LRRFIP2: variants seen among roughly 807,000 people sequenced by gnomAD.
The protein encoded by LRRFIP2 is LRR binding FLII interacting protein 2.
In LRRFIP2, 109 loss-of-function variants were observed where a neutral mutation model predicts 125.9. That is an observed-to-expected ratio of 0.87 (90% CI 0.74 to 1.01). The LOEUF is 1.01. LRRFIP2 is among the 50% of genes least tolerant of loss of function. The pLI is 0.00. For synonymous variants in LRRFIP2, 291 were observed against 293.1 expected (o/e 0.99, Z 0.07); for missense variants, 850 against 862.3 (o/e 0.99, Z 0.18).
chr3:37,121,810 T>C (rs896122554), intron 4 of LRRFIP2, 119 bp from the exon 5 acceptor site: 29 of 871,054 alleles, frequency 3.3e-5, no homozygotes, highest in Non-Finnish European at 5.2e-5. Flanking sequence ...GCAGGCAGGT[T>C]TGGATAACTT....
intron 21 of LRRFIP2, among the ~76,000 whole-genome samples, chr3:37,072,138 C>T (rs1409823133): frequency 6.6e-6 from 1 of 152,134 alleles, no homozygotes; most frequent in Non-Finnish European, 1.5e-5. Flanking sequence ...TATCCAAATT[C>T]CTGTAACGTA....
intron 1 of LRRFIP2, among the ~76,000 whole-genome samples, chr3:37,159,539 C>G (rs1027553649): frequency 1.3e-5 from 2 of 151,838 alleles, no homozygotes; most frequent in South Asian, 4.2e-4. Context: ...GACAGAGTCT[C>G]GCTGCTGGCC....
At chr3:37,157,632 C>T (rs974288865) in intron 1 of LRRFIP2, among the ~76,000 whole-genome samples, 11 of 151,840 alleles carry the variant, frequency 7.2e-5, no homozygotes, top group Non-Finnish European at 1.6e-4. Context: ...GAGATCGTTA[C>T]ATAAAATGAA....
At chr3:37,153,153 T>C (rs1300957695) in intron 1 of LRRFIP2, among the ~76,000 whole-genome samples, 2 of 152,084 alleles carry the variant, frequency 1.3e-5, no homozygotes, top group African/African-American at 2.4e-5. Context: ...TCCCAGCACT[T>C]TGGGAGGCTG....
At chr3:37,077,047 T>C (rs1375389576) in intron 19 of LRRFIP2, among the ~76,000 whole-genome samples, 2 of 152,154 alleles carry the variant, frequency 1.3e-5, no homozygotes, top group Non-Finnish European at 2.9e-5. Flanking sequence ...CTTGACAACA[T>C]ATTCCAGAAC....
intron 2 of LRRFIP2, among the ~76,000 whole-genome samples, chr3:37,144,162 C>A (rs537847465): frequency 1.3e-5 from 2 of 152,314 alleles, no homozygotes; most frequent in Admixed American, 1.3e-4. Context: ...TACATCGACT[C>A]CAGGTGGCAG....
intron 3 of LRRFIP2, 41 bp from the exon 4 acceptor site, chr3:37,127,721 A>G: frequency 6.7e-7 from 1 of 1,498,600 alleles, no homozygotes; most frequent in East Asian, 2.3e-5. Context: ...AGTTTCTAAC[A>G]TATTGCATTC....
chr3:37,160,461 A>G (rs1413369886), intron 1 of LRRFIP2, among the ~76,000 whole-genome samples: 1 of 152,150 alleles, frequency 6.6e-6, no homozygotes, highest in Non-Finnish European at 1.5e-5. Context: ...TAGCCATGAA[A>G]CAAGAACAAG....
intron 25 of LRRFIP2, among the ~76,000 whole-genome samples, chr3:37,058,263 T>C (rs1228106077): frequency 1.3e-5 from 2 of 152,216 alleles, no homozygotes; most frequent in African/African-American, 4.8e-5. Context: ...TAAACCTCAT[T>C]ATCCCCTGAA....
intron 2 of LRRFIP2, among the ~76,000 whole-genome samples, chr3:37,130,031 T>C (rs1284220344): frequency 1.3e-5 from 2 of 152,164 alleles, no homozygotes; most frequent in African/African-American, 4.8e-5. Flanking sequence ...CTGTGGTTTT[T>C]AGTATACTCA....
In LRRFIP2 at chr3:37,083,621, C is replaced by A; in HGVS notation, c.1278+15G>T. On this transcript the variant is annotated intron_variant, in intron 19 of 27. Coordinates refer to ENST00000336686, the MANE Select transcript of LRRFIP2 (RefSeq NM_006309.4). ...TTATTTTCTGCCCCAAGAGAAAATA[C>A]AAGATAAGCATTACCTTTGATTTTT... is the stretch of plus-strand genomic sequence containing the variant. 1 of 1,527,014 alleles carries A rather than the reference C, an allele frequency of 6.5e-7. No homozygotes were observed. The highest frequency in any genetic ancestry group is 8.7e-7 in the Non-Finnish European group (1 of 1,143,286). 94.6% of individuals were successfully genotyped at this position (1,527,014 alleles called of 1,614,324 possible).
chr3:37,166,483 A>G (rs1015850660), intron 1 of LRRFIP2, among the ~76,000 whole-genome samples: 3 of 152,224 alleles, frequency 2.0e-5, no homozygotes, highest in African/African-American at 7.2e-5. Flanking sequence ...TCCTACAACT[A>G]AGCAACAACA....
chr3:37,170,433 C>T (rs2096569535), intron 1 of LRRFIP2: 1 of 152,136 alleles, frequency 6.6e-6, no homozygotes, highest in African/African-American at 2.4e-5. Flanking sequence ...CATAAGACAC[C>T]ACATAGTACA....
chr3:37,103,445 G>A (rs988810773), intron 14 of LRRFIP2, among the ~76,000 whole-genome samples: 24 of 152,160 alleles, frequency 1.6e-4, no homozygotes, highest in African/African-American at 5.5e-4. Flanking sequence ...GGTGTTTACT[G>A]CACCTTTTCT....
Position 37,096,635 on chromosome 3 carries a change from T to C in LRRFIP2, c.899A>G (p.Tyr300Cys). The change falls in exon 16 of 28, where the codon TAT (tyrosine) becomes TGT (cysteine). Residue 300 changes from tyrosine to cysteine, a missense_variant. By Grantham distance (194) the Tyr-to-Cys change is radical. Transcript: ENST00000336686. ...SSLDEKSDKQ[Y>C]AENYTRPSSR... The stretch of plus-strand genomic sequence containing the variant: ...ACTCACTCTTGTATAATTTTCAGCA[T>C]ACTGTTTGTCAGATTTTTCATCCAA... The C allele has an allele frequency of 4.5e-6, 7 of 1,571,452 alleles. No individual in the cohort carries two copies. Among genetic ancestry groups the C allele is most frequent in the Non-Finnish European group, 6.1e-6 (7 of 1,149,222 alleles).
intron 13 of LRRFIP2, among the ~76,000 whole-genome samples, chr3:37,106,674 G>T (rs2094340870): frequency 6.6e-6 from 1 of 152,082 alleles, no homozygotes; most frequent in Non-Finnish European, 1.5e-5. Flanking sequence ...CAGGCACAGT[G>T]GTTCACGCCT....
chr3:37,156,155 G>A (rs536857230), intron 1 of LRRFIP2, among the ~76,000 whole-genome samples: 2 of 152,176 alleles, frequency 1.3e-5, no homozygotes, highest in East Asian at 1.9e-4. Context: ...GATTACAGAC[G>A]AAAGCCACCA....
intron 1 of LRRFIP2, among the ~76,000 whole-genome samples, chr3:37,149,959 C>T (rs192036331): frequency 6.6e-6 from 1 of 152,076 alleles, no homozygotes; most frequent in African/African-American, 2.4e-5. Flanking sequence ...CAAGATCACG[C>T]CACTGGACTC....
At chr3:37,114,231 T>C (rs1339321357) in intron 7 of LRRFIP2, among the ~76,000 whole-genome samples, 2 of 152,160 alleles carry the variant, frequency 1.3e-5, no homozygotes, top group Admixed American at 1.3e-4. Flanking sequence ...AAACAAGCTA[T>C]AACTTAAATT....
Sources: gnomAD v4.1 joint callset for allele counts (sites outside exome capture counted in the v4.1 genomes callset) on GRCh38, gnomAD v4.1.1 for gene constraint, MANE v1.5 for transcripts, NCBI Gene and HGNC (gene_info 2026-07-23, HGNC 2026-07-21) for gene names.